Variants in ARHGEF19 observed in about 807,000 individuals in gnomAD.
ARHGEF19 encodes the protein Rho guanine nucleotide exchange factor (GEF) 19.
A neutral mutation model predicts 87.6 loss-of-function variants in ARHGEF19; 92 were observed. That is an observed-to-expected ratio of 1.05 (90% CI 0.89 to 1.25). The LOEUF is 1.25. Among genes scored for constraint, ARHGEF19 ranks in the 50% most tolerant of loss-of-function variants. The pLI, the probability that ARHGEF19 is intolerant of heterozygous loss-of-function variation, is 0.00. For missense variants in ARHGEF19, 1,054 were observed against 1,051.8 expected (o/e 1.00, Z -0.03); for synonymous variants, 438 against 446.2 (o/e 0.98, Z 0.23).
chr1:16,204,836 AG>A lies in ARHGEF19; in HGVS notation c.1829del (p.Pro610LeufsTer4). The A allele has an allele frequency of 6.2e-7, 1 of 1,609,182 alleles. No homozygotes were observed. On this transcript the variant is annotated frameshift_variant, in exon 12 of 16. Coordinates refer to ENST00000270747, the MANE Select transcript of ARHGEF19 (RefSeq NM_153213.5). LOFTEE classifies it high-confidence loss of function. ...VELAPLPAAPPAKLKLSSKAV... is the reference protein window; with the variant it reads ...VELAPLPAAPXAKLKLSSKAV... ...CCTTGCTGGACAGCTTCAGCTTGGC[AG>A]GGGGTGCTGCAGGCAGTGGTGCCAG...
Position 16,206,496 on chromosome 1 carries a change from G to C in ARHGEF19, c.1138-156C>G, listed in dbSNP as rs2081136684. 1.3e-6 allele frequency: 1 copy of C among 758,018 alleles called. No homozygotes were observed. The allele number at this position is 758,018 out of a possible 1,614,324, so 47.0% of individuals were successfully genotyped here. A position where few individuals can be genotyped will look rare whatever the true frequency, so the allele number is the denominator to read the frequency against. ...GCGCCGGGCGGGCCCGGCGACCCACGTCCCGCCGCGGGAAATTGTGCAAGC... is the reference window on the plus strand; with the variant it reads ...GCGCCGGGCGGGCCCGGCGACCCACCTCCCGCCGCGGGAAATTGTGCAAGC... On this transcript the variant is annotated intron_variant, in intron 6 of 15. Coordinates refer to ENST00000270747, the MANE Select transcript of ARHGEF19 (RefSeq NM_153213.5). This position sits in a 1 kb window ranked among gnomAD's most constrained non-coding sequence, Gnocchi z 4.6.
rs202140503 is a variant in ARHGEF19, at chr1:16,205,939, C to A, written c.1443G>T (p.Gln481His). The A allele has an allele frequency of 3.4e-5, 54 of 1,608,812 alleles. No homozygotes were observed. Among genetic ancestry groups the A allele is most frequent in the Admixed American group, 1.5e-4 (9 of 59,134 alleles). The change falls in exon 8 of 16, where the codon CAG becomes CAT. Residue 481 changes from glutamine to histidine, a missense_variant. Physicochemically the swap from Gln to His is conservative, Grantham distance 24 (BLOSUM62 0). Coordinates refer to ENST00000270747, the MANE Select transcript of ARHGEF19 (RefSeq NM_153213.5). This position sits in a 1 kb window ranked among gnomAD's most constrained non-coding sequence, Gnocchi z 5.8. ...AGAGCCCCCAGCCCTACAGCAGGCG[C>A]TGGTAGGTGCGCTCCTGGTAGGCCT... ...TNQAYQERTY[Q>H]RLLLENPRFP...
rs746448541 is a variant in ARHGEF19, at chr1:16,198,631, G to A, written c.2365C>T (p.Arg789Ter). 11 of 1,613,300 alleles carry A rather than the reference G, an allele frequency of 6.8e-6. No homozygotes were observed. Among genetic ancestry groups the A allele is most frequent in the Admixed American group, 5.0e-5 (3 of 59,934 alleles). The change falls in exon 16 of 16, where the codon CGA becomes TGA. Residue 789 changes from arginine (R) to a stop codon, truncating the protein, a stop_gained. Coordinates refer to ENST00000270747, the MANE Select transcript of ARHGEF19 (RefSeq NM_153213.5). LOFTEE classifies it high-confidence loss of function. This position sits in a 1 kb window ranked among gnomAD's most constrained non-coding sequence, Gnocchi z 4.1. Reference protein sequence around the residue: ...ARLRNLRENKRVTSATSKLGE... With the variant: ...ARLRNLRENK ...AGTTTGCTGGTGGCACTTGTGACTC[G>A]CTTATTCTCCCGGAGGTTTCGGAGG... is the stretch of plus-strand genomic sequence containing the variant.
intron 14 of ARHGEF19, among the ~76,000 whole-genome samples, 166 bp downstream of exon 14, chr1:16,201,616 G>A (rs1335341930): frequency 1.3e-5 from 2 of 152,214 alleles, no homozygotes; most frequent in African/African-American, 2.4e-5. Flanking sequence ...CCTGTGCTAT[G>A]TAAGTTCTGC....
intron 2 of ARHGEF19, 48 bp from the exon 3 acceptor site, chr1:16,208,273 A>C: frequency 6.3e-7 from 1 of 1,581,038 alleles, no homozygotes; most frequent in South Asian, 1.1e-5. Flanking sequence ...GTCTCCCCCA[A>C]CCTCCTCCCT....
chr1:16,207,882 C>CGGGGG lies in ARHGEF19; in HGVS notation c.694+61_694+62insCCCCC. On this transcript the variant is annotated intron_variant, in intron 3 of 15. Transcript: ENST00000270747. This position sits in a 1 kb window ranked among gnomAD's most constrained non-coding sequence, Gnocchi z 4.0. ...CCTCAGGCGGCCGGTGAGTGGGCAT[C>CGGGGG]GCCCACCCCCACCCCCACCCGGCAT... is the stretch of plus-strand genomic sequence containing the variant. 2.7e-6 allele frequency: 4 copies of CGGGGG among 1,478,780 alleles called. No individual in the cohort carries two copies. The highest frequency in any genetic ancestry group is 3.7e-6 in the Non-Finnish European group (4 of 1,072,458). The allele number at this position is 1,478,780 out of a possible 1,614,324, so 91.6% of individuals were successfully genotyped here. A position where few individuals can be genotyped will look rare whatever the true frequency, so the allele number is the denominator to read the frequency against.
At position 16,204,753 on chromosome 1, in the gene ARHGEF19, ACT is replaced by A. The variant is rs1199313871; in HGVS notation, c.1907+4_1907+5del. On this transcript the variant is annotated splice_donor_5th_base_variant and intron_variant, in intron 12 of 15. Coordinates refer to ENST00000270747, the MANE Select transcript of ARHGEF19 (RefSeq NM_153213.5). ...TACCTACCCACCCCTGACTGCCCCG[ACT>A]CACTCCTTCCGCCGAGAGAGCAGCA... The A allele has an allele frequency of 1.0e-5, 16 of 1,586,514 alleles. No individual in the cohort carries two copies. The highest frequency in any genetic ancestry group is 1.4e-5 in the Non-Finnish European group (16 of 1,162,536).
In ARHGEF19 at chr1:16,205,661, C is replaced by A; in HGVS notation, c.1458G>T (p.Glu486Asp). The A allele has an allele frequency of 6.2e-7, 1 of 1,607,636 alleles. No homozygotes were observed. ...CCAGGATGCCAGGGAACCTGGGGTT[C>A]TCCAGGCTGGAAAATGGGGAGGACT... Reference protein sequence around the residue: ...QERTYQRLLLENPRFPGILAR... With the variant: ...QERTYQRLLLDNPRFPGILAR... Residue 486 changes from glutamate to aspartate, a missense_variant, in exon 9 of 16, where the codon GAG (glutamate) becomes GAT (aspartate). By Grantham distance (45) the Glu-to-Asp change is conservative (BLOSUM62 2). Coordinates refer to ENST00000270747, the MANE Select transcript of ARHGEF19 (RefSeq NM_153213.5). The surrounding 1 kb of genome is among the most constrained non-coding windows in gnomAD (Gnocchi z 5.8).
In ARHGEF19 at chr1:16,206,948, C is replaced by G; in HGVS notation, c.1137G>C (p.Glu379Asp). The change falls in exon 6 of 16, where the codon GAG (glutamate) becomes GAC (aspartate). Residue 379 changes from glutamate (E) to aspartate (D), a missense_variant and splice_region_variant. By Grantham distance (45) the Glu-to-Asp change is conservative. Coordinates refer to ENST00000270747, the MANE Select transcript of ARHGEF19 (RefSeq NM_153213.5). The surrounding 1 kb of genome is among the most constrained non-coding windows in gnomAD (Gnocchi z 4.6). ...TLSLRDCKLQ[E>D]AKFELITSEA... ...CCGCCGGGTCCCCGCGCGCGCCCAC[C>G]TCCTGCAGCTTGCAGTCCCGCAGGC... 1 of 1,487,676 alleles carries G rather than the reference C, an allele frequency of 6.7e-7. No individual in the cohort carries two copies. The highest frequency in any genetic ancestry group is 8.9e-7 in the Non-Finnish European group (1 of 1,126,434). The allele number at this position is 1,487,676 out of a possible 1,614,324, so 92.2% of individuals were successfully genotyped here.
At position 16,205,944 on chromosome 1, in the gene ARHGEF19, A is replaced by G. The variant is rs762396817; in HGVS notation, c.1438T>C (p.Tyr480His). The change falls in exon 8 of 16, where the codon TAC (tyrosine) becomes CAC (histidine). Residue 480 changes from tyrosine (Y) to histidine (H), a missense_variant. By Grantham distance (83) the Tyr-to-His change is moderately conservative. Transcript: ENST00000270747. The surrounding 1 kb of genome is among the most constrained non-coding windows in gnomAD (Gnocchi z 5.8). The stretch of plus-strand genomic sequence containing the variant: ...CCCCAGCCCTACAGCAGGCGCTGGT[A>G]GGTGCGCTCCTGGTAGGCCTGGTTG... The part of the protein sequence containing the change: ...VTNQAYQERT[Y>H]QRLLLENPRF... The G allele has an allele frequency of 6.2e-7, 1 of 1,609,742 alleles. No individual in the cohort carries two copies. Among genetic ancestry groups the G allele is most frequent in the Non-Finnish European group, 8.5e-7 (1 of 1,178,140 alleles).
In ARHGEF19 at chr1:16,207,740, C is replaced by T. The variant is rs947080338; in HGVS notation, c.732G>A (p.Met244Ile). 5 of 1,614,020 alleles carry T rather than the reference C, an allele frequency of 3.1e-6. No individual in the cohort carries two copies. The highest frequency in any genetic ancestry group is 2.2e-5 in the South Asian group (2 of 91,084). ...CTGGCCGCGACACCCGGTCCCCGCT[C>T]ATCTCTACACTTCGAGCCTCCATTC... Reference protein sequence around the residue: ...ASGMEARSVEMSGDRVSRPAP... With the variant: ...ASGMEARSVEISGDRVSRPAP... Residue 244 changes from methionine (M) to isoleucine (I), a missense_variant, in exon 4 of 16, where the codon ATG becomes ATA. Met to Ile is a conservative substitution (Grantham distance 10). Transcript: ENST00000270747. The surrounding 1 kb of genome is among the most constrained non-coding windows in gnomAD (Gnocchi z 4.0).
At chr1:16,209,445 G>A (rs979540221) in intron 1 of ARHGEF19, among the ~76,000 whole-genome samples, 1 of 152,128 alleles carries the variant, frequency 6.6e-6, no homozygotes, top group African/African-American at 2.4e-5. Context: ...TAACCACCTT[G>A]TACTTCTCTA....
In ARHGEF19 at chr1:16,206,907, C is replaced by G; in HGVS notation, c.1137+41G>C. The G allele has an allele frequency of 7.0e-7, 1 of 1,424,890 alleles. No individual in the cohort carries two copies. The highest frequency in any genetic ancestry group is 9.1e-7 in the Non-Finnish European group (1 of 1,099,144). 88.3% of individuals were successfully genotyped at this position (1,424,890 alleles called of 1,614,324 possible). A position where few individuals can be genotyped will look rare whatever the true frequency, so the allele number is the denominator to read the frequency against. On this transcript the variant is annotated intron_variant, in intron 6 of 15. Transcript: ENST00000270747. The surrounding 1 kb of genome is among the most constrained non-coding windows in gnomAD (Gnocchi z 4.6). ...GCTAAGTCCCCGGACCGCGTACTCC[C>G]CGGCCCGCCCCCGCCCCGCCGGGTC...
rs780583014 is a variant in ARHGEF19 at position 16,208,775 on chromosome 1, TC to T, written c.279del (p.Met94CysfsTer67). On this transcript the variant is annotated frameshift_variant, in exon 2 of 16. Transcript: ENST00000270747. LOFTEE classifies it high-confidence loss of function. ...GGSDTEITSG[G>X]MRPSRAGSWP... ...CAGCTGCCAGCCCTGCTGGGCCGCA[TC>T]CCCCCGCTGGTGATCTCTGTATCTG... 8.7e-6 allele frequency: 14 copies of T among 1,612,860 alleles called. No individual in the cohort carries two copies. The South Asian group carries it at 8.8e-5, about 10-fold the overall frequency.
chr1:16,204,894 C>T lies in ARHGEF19; in HGVS notation c.1772G>A (p.Arg591His), dbSNP rs781061684. Reference protein sequence around the residue: ...GKIFPLISQARWLVRHGELVE... With the variant: ...GKIFPLISQAHWLVRHGELVE... ...CAACTCTCCATGCCGAACCAGCCAG[C>T]GGGCCTGAGAGATCAGCGGGAAAAT... is the stretch of plus-strand genomic sequence containing the variant. The change falls in exon 12 of 16, where the codon CGC becomes CAC. Residue 591 changes from arginine (R) to histidine (H), a missense_variant. Arg to His is a conservative substitution (Grantham distance 29). Coordinates refer to ENST00000270747, the MANE Select transcript of ARHGEF19 (RefSeq NM_153213.5). 8.7e-6 allele frequency: 14 copies of T among 1,602,680 alleles called. No individual in the cohort carries two copies. The highest frequency in any genetic ancestry group is 1.7e-4 in the Middle Eastern group (1 of 6,044).
chr1:16,199,108 C>T lies in ARHGEF19; in HGVS notation c.2251+42G>A, dbSNP rs373953483. 571 of 1,600,608 alleles carry T rather than the reference C, an allele frequency of 3.6e-4. 3 individuals carry two copies. The highest frequency in any genetic ancestry group is 1.0e-4 in the Admixed American group (6 of 59,928). ...TAGTCATCTAGCCACCTCCTGCCCA[C>T]CCAAGCCCCATCAGGGACACTTTCC... On this transcript the variant is annotated intron_variant, in intron 15 of 15. Transcript: ENST00000270747.
At position 16,207,244 on chromosome 1, in the gene ARHGEF19, C is replaced by T; in HGVS notation, c.875-34G>A. On this transcript the variant is annotated intron_variant, in intron 5 of 15. Coordinates refer to ENST00000270747, the MANE Select transcript of ARHGEF19 (RefSeq NM_153213.5). This position sits in a 1 kb window ranked among gnomAD's most constrained non-coding sequence, Gnocchi z 4.0. Reference sequence around the variant, plus strand: ...AAGACGGGCGGGGGAGAGCGTGGGGCGCCCGCCAGCCCCTGCCCGGCTTTT... The same window carrying T: ...AAGACGGGCGGGGGAGAGCGTGGGGTGCCCGCCAGCCCCTGCCCGGCTTTT... The T allele has an allele frequency of 2.0e-6, 3 of 1,471,354 alleles. No homozygotes were observed. Among genetic ancestry groups the T allele is most frequent in the African/African-American group, 1.4e-5 (1 of 70,666 alleles). The allele number at this position is 1,471,354 out of a possible 1,614,324, so 91.1% of individuals were successfully genotyped here.
At chr1:16,203,769 C>T (rs942257127) in intron 12 of ARHGEF19, among the ~76,000 whole-genome samples, 1 of 152,188 alleles carries the variant, frequency 6.6e-6, no homozygotes, top group Non-Finnish European at 1.5e-5. Context: ...CTTCAAAACC[C>T]AGCTCAAATG....
chr1:16,211,147 T>G (rs1326828424), intron 1 of ARHGEF19, among the ~76,000 whole-genome samples: 2 of 152,206 alleles, frequency 1.3e-5, no homozygotes, highest in East Asian at 1.9e-4. Context: ...TAGGATAGTA[T>G]TTTTATTATC....
Sources: gnomAD v4.1 joint callset for allele counts (sites outside exome capture counted in the v4.1 genomes callset) on GRCh38, gnomAD v4.1.1 for gene constraint, Gnocchi (gnomAD v3.1) non-coding constraint, MANE v1.5 for transcripts, NCBI Gene and HGNC (gene_info 2026-07-23, HGNC 2026-07-21) for gene names.